The following FSTL1 variants were observed in gnomAD, a reference collection of about 807,000 sequenced individuals.
The protein encoded by FSTL1 is follistatin-related protein 1.
FSTL1 carries 24 observed loss-of-function variants against 45.9 expected under a neutral mutation model. The ratio of observed to expected loss-of-function variants is 0.52; its 90% confidence interval spans 0.38 to 0.74. The LOEUF is 0.74. Ranked by LOEUF, FSTL1 falls within the 30% of genes least tolerant of loss-of-function variation. FSTL1 has a pLI of 0.00. For missense variants in FSTL1, 340 were observed against 381.8 expected (o/e 0.89, Z 0.91); for synonymous variants, 120 against 137.6 (o/e 0.87, Z 0.89).
At chr3:120,432,457 C>A (rs1004361799) in intron 2 of FSTL1, among the ~76,000 whole-genome samples, 1 of 152,168 alleles carries the variant, frequency 6.6e-6, no homozygotes, top group African/African-American at 2.4e-5. Context: ...AACAAATTCC[C>A]CCCTATTTTT....
At chr3:120,414,253 T>C (rs1468551574) in intron 3 of FSTL1, among the ~76,000 whole-genome samples, 2 of 151,834 alleles carry the variant, frequency 1.3e-5, no homozygotes, top group African/African-American at 4.8e-5. Context: ...TCGTCTGGGA[T>C]GTGAGGAGCC....
intron 4 of FSTL1, 75 bp downstream of exon 4, chr3:120,411,779 C>A: frequency 7.5e-7 from 1 of 1,341,584 alleles, no homozygotes; most frequent in South Asian, 1.3e-5. Context: ...ACCATGTGGT[C>A]AGCCAGGCCA....
intron 10 of FSTL1, among the ~76,000 whole-genome samples, chr3:120,397,620 T>C (rs1195857974): frequency 6.6e-6 from 1 of 152,174 alleles, no homozygotes; most frequent in Non-Finnish European, 1.5e-5. Flanking sequence ...AACAAAACCG[T>C]TGGTGAGTAT....
chr3:120,425,939 T>G (rs984649303), intron 2 of FSTL1, among the ~76,000 whole-genome samples: 2 of 152,164 alleles, frequency 1.3e-5, no homozygotes, highest in Non-Finnish European at 2.9e-5. Flanking sequence ...ATACTATTAA[T>G]AAATTTTTTA....
rs1936635598 is a variant in FSTL1 at position 120,393,730 on chromosome 3, T to C, written c.*3222A>G. 6.6e-6 allele frequency: 1 copy of C among 152,124 alleles called. No individual in the cohort carries two copies. 9.4% of individuals were successfully genotyped at this position (152,124 alleles called of 1,614,324 possible). A position where few individuals can be genotyped will look rare whatever the true frequency, so the allele number is the denominator to read the frequency against. ...CCAAAATTCATATGTTAAAATTGAATCCCCAAAGCAATGGTATTGAGAGGT... is the reference window on the plus strand; with the variant it reads ...CCAAAATTCATATGTTAAAATTGAACCCCCAAAGCAATGGTATTGAGAGGT... On this transcript the variant is annotated 3_prime_UTR_variant, in exon 11 of 11. Transcript: ENST00000295633.
chr3:120,420,849 A>G (rs1937263756), intron 2 of FSTL1, among the ~76,000 whole-genome samples: 1 of 152,242 alleles, frequency 6.6e-6, no homozygotes, highest in Admixed American at 6.5e-5. Context: ...GCCTGGCCCT[A>G]GGTCTCCAGA....
At chr3:120,400,874 G>T (rs1936811359) in intron 9 of FSTL1, among the ~76,000 whole-genome samples, 1 of 152,104 alleles carries the variant, frequency 6.6e-6, no homozygotes, top group South Asian at 2.1e-4. Context: ...ATCTAACATG[G>T]GTTGCTCCAT....
At position 120,392,461 on chromosome 3, in the gene FSTL1, A is replaced by G. The variant is rs1936612660; in HGVS notation, c.*4491T>C. 2.0e-5 allele frequency: 3 copies of G among 152,258 alleles called. No homozygotes were observed. In the South Asian group the frequency reaches 6.2e-4, roughly 32 times the overall value. 9.4% of individuals were successfully genotyped at this position (152,258 alleles called of 1,614,324 possible). ...GTTTATGTACTTTTGGCAGTCATGC[A>G]TACTGGTGCAACTTCTTTGACTTTA... On this transcript the variant is annotated 3_prime_UTR_variant, in exon 11 of 11. Coordinates refer to ENST00000295633, the MANE Select transcript of FSTL1 (RefSeq NM_007085.5).
chr3:120,411,044 GT>G, intron 4 of FSTL1, 60 bp from the exon 5 acceptor site: 1 of 1,231,428 alleles, frequency 8.1e-7, no homozygotes, highest in East Asian at 2.3e-5. Flanking sequence ...AAATTTTTCT[GT>G]ATTTCTAGGA....
chr3:120,394,137 C>A lies in FSTL1; in HGVS notation c.*2815G>T, dbSNP rs1408392786. 6.6e-6 allele frequency: 1 copy of A among 152,222 alleles called. No homozygotes were observed. The highest frequency in any genetic ancestry group is 6.5e-5 in the Admixed American group (1 of 15,288). The allele number at this position is 152,222 out of a possible 1,614,324, so 9.4% of individuals were successfully genotyped here. ...TTCTACCAGTCCCCGAGTAAACTTTCCATCCAAGCTGTAGTCCCAGGAGAA... is the reference window on the plus strand; with the variant it reads ...TTCTACCAGTCCCCGAGTAAACTTTACATCCAAGCTGTAGTCCCAGGAGAA... On this transcript the variant is annotated 3_prime_UTR_variant, in exon 11 of 11. Transcript: ENST00000295633.
Position 120,443,696 on chromosome 3 carries a change from G to A in FSTL1, c.63+6988C>T, listed in dbSNP as rs571932213. On this transcript the variant is annotated intron_variant, in intron 2 of 10. Coordinates refer to ENST00000295633, the MANE Select transcript of FSTL1 (RefSeq NM_007085.5). ...GCTTTTGTCATGTATCATATGACCT[G>A]TTTGTCAACAGCTTAGTTGGTCACA... 3.3e-5 allele frequency among the ~76,000 whole-genome samples: 5 copies of A among 149,934 alleles called. No homozygotes were observed. In the South Asian group the frequency reaches 1.0e-3, roughly 31 times the overall value.
At chr3:120,415,696 C>T (rs1185406855) in intron 3 of FSTL1, 3 of 462,320 alleles carry the variant, frequency 6.5e-6, no homozygotes, top group Non-Finnish European at 1.1e-5. Context: ...TAAAACAATT[C>T]TTATTTTTTA....
intron 6 of FSTL1, among the ~76,000 whole-genome samples, chr3:120,406,317 GGGCT>G (rs1936947406): frequency 6.6e-6 from 1 of 152,132 alleles, no homozygotes; most frequent in African/African-American, 2.4e-5. Flanking sequence ...TAGTAGCACA[GGGCT>G]TTCTTGAGTT....
At chr3:120,425,210 A>C (rs1209748677) in intron 2 of FSTL1, among the ~76,000 whole-genome samples, 4 of 152,108 alleles carry the variant, frequency 2.6e-5, no homozygotes, top group Non-Finnish European at 5.9e-5. Context: ...CAGCCTGCAC[A>C]ATGGTATGAG....
chr3:120,441,019 A>C (rs1274764098), intron 2 of FSTL1, among the ~76,000 whole-genome samples: 1 of 152,264 alleles, frequency 6.6e-6, no homozygotes, highest in African/African-American at 2.4e-5. Context: ...GCAAAGTACC[A>C]GAAGCTGTGG....
At chr3:120,420,468 C>T (rs908972658) in intron 2 of FSTL1, among the ~76,000 whole-genome samples, 1 of 152,178 alleles carries the variant, frequency 6.6e-6, no homozygotes, top group Non-Finnish European at 1.5e-5. Context: ...TAGCTTTATC[C>T]TTCTGCATCA....
At chr3:120,410,831 G>A (rs751524196) in intron 5 of FSTL1, 121 bp downstream of exon 5, 1 of 847,544 alleles carries the variant, frequency 1.2e-6, no homozygotes. Context: ...GCCAGTTCTG[G>A]GACACAATTC....
chr3:120,450,656 A>T, intron 2 of FSTL1, 28 bp downstream of exon 2: 1 of 1,367,632 alleles, frequency 7.3e-7, no homozygotes. Context: ...CCGGGGACCG[A>T]GTTCGGACTC....
At chr3:120,449,456 T>C (rs1014807745) in intron 2 of FSTL1, among the ~76,000 whole-genome samples, 5 of 152,212 alleles carry the variant, frequency 3.3e-5, no homozygotes, top group African/African-American at 1.2e-4. Flanking sequence ...TAGCATTTAA[T>C]AGCTGAGAGC....
Sources: gnomAD v4.1 joint callset for allele counts (sites outside exome capture counted in the v4.1 genomes callset) on GRCh38, gnomAD v4.1.1 for gene constraint, MANE v1.5 for transcripts, NCBI Gene and HGNC (gene_info 2026-07-23, HGNC 2026-07-21) for gene names.